Variants in DPH6 observed in about 807,000 individuals in gnomAD.
DPH6 encodes diphthamine biosynthesis 6.
In DPH6, 33 loss-of-function variants were observed where a neutral mutation model predicts 38.2. The observed-to-expected ratio is 0.86, with a 90% CI of 0.65 to 1.15. DPH6 has a LOEUF of 1.15. DPH6 is among the 50% of genes most tolerant of loss of function. The pLI, the probability that DPH6 is intolerant of heterozygous loss-of-function variation, is 0.00. For synonymous variants in DPH6, 108 were observed against 103.0 expected (o/e 1.05, Z -0.30); for missense variants, 325 against 320.0 (o/e 1.02, Z -0.12).
intron 3 of DPH6, among the ~76,000 whole-genome samples, chr15:35,296,466 A>G (rs73393331): frequency 0.03 from 4,513 of 152,184 alleles, 102 homozygotes; most frequent in African/African-American, 0.067. Flanking sequence ...CACTCCCAAT[A>G]TGCTCACGTC....
chr15:35,226,728 T>G (rs548685837), intron 3 of DPH6, among the ~76,000 whole-genome samples: 2 of 152,302 alleles, frequency 1.3e-5, no homozygotes, highest in Admixed American at 6.5e-5. Context: ...ATTGGAAGAA[T>G]GAATACAGTT....
At chr15:35,238,188 A>G in intron 3 of DPH6, 1 of 387,258 alleles carries the variant, frequency 2.6e-6, no homozygotes, top group Non-Finnish European at 4.7e-6. Context: ...TGCTGTGGGA[A>G]CGAGAGGGGA....
intron 3 of DPH6, among the ~76,000 whole-genome samples, chr15:35,347,037 T>C (rs2052467624): frequency 6.6e-6 from 1 of 152,236 alleles, no homozygotes; most frequent in South Asian, 2.1e-4. Context: ...CTTGAGTATT[T>C]TTAAGTGTAC....
intron 3 of DPH6, among the ~76,000 whole-genome samples, chr15:35,295,586 T>C (rs1212851574): frequency 6.6e-6 from 1 of 152,172 alleles, no homozygotes; most frequent in African/African-American, 2.4e-5. Flanking sequence ...CACATCTAGG[T>C]AGATAATCCA....
intron 3 of DPH6, among the ~76,000 whole-genome samples, chr15:35,348,364 T>C (rs2052480165): frequency 6.6e-6 from 1 of 152,214 alleles, no homozygotes; most frequent in South Asian, 2.1e-4. Context: ...TTGTTTTGCA[T>C]GTGGATATCC....
the DPH6 span, among the ~76,000 whole-genome samples, chr15:35,154,346 G>C: frequency 2.0e-5 from 3 of 151,900 alleles, no homozygotes; most frequent in African/African-American, 7.3e-5. Flanking sequence ...ATAAATATTT[G>C]TTGAATGGTG....
intron 3 of DPH6, among the ~76,000 whole-genome samples, chr15:35,234,063 A>G (rs779796462): frequency 1.3e-5 from 2 of 152,194 alleles, no homozygotes; most frequent in African/African-American, 2.4e-5. Context: ...TTAGTTCACC[A>G]TTGTACTTCC....
chr15:35,508,073 C>T (rs1595428730), intron 3 of DPH6, among the ~76,000 whole-genome samples: 1 of 152,024 alleles, frequency 6.6e-6, no homozygotes, highest in Non-Finnish European at 1.5e-5. Flanking sequence ...GTAAGAGGCT[C>T]GGCAGGAGGA....
At chr15:35,471,952 A>ATAG (rs1346698942) in intron 3 of DPH6, among the ~76,000 whole-genome samples, 4 of 152,118 alleles carry the variant, frequency 2.6e-5, no homozygotes, top group African/African-American at 9.7e-5. Flanking sequence ...GGGCCCTACA[A>ATAG]TAAATGTAAA....
At chr15:35,336,838 T>G (rs901689818) in intron 3 of DPH6, among the ~76,000 whole-genome samples, 1 of 152,168 alleles carries the variant, frequency 6.6e-6, no homozygotes, top group Non-Finnish European at 1.5e-5. Context: ...TGCTGCTGGA[T>G]TTGGTTTGCC....
intron 6 of DPH6, among the ~76,000 whole-genome samples, chr15:35,397,452 T>C (rs886345635): frequency 6.6e-6 from 1 of 152,194 alleles, no homozygotes; most frequent in African/African-American, 2.4e-5. Flanking sequence ...CCACTCCCTT[T>C]TAAAATGTTA....
At chr15:35,353,271 C>T (rs1042908945) in intron 3 of DPH6, among the ~76,000 whole-genome samples, 3 of 152,118 alleles carry the variant, frequency 2.0e-5, no homozygotes, top group Admixed American at 2.0e-4. Flanking sequence ...TGTGCAGAAG[C>T]TCTTTAGTTT....
rs572462357 is a variant in DPH6 at position 35,529,475 on chromosome 15, T to C, written c.312+8799A>G. ...ATCACAACTTGACATGAGATATGGGTGGGGACACAGAGCCAAACCCTATCA... is the reference window on the plus strand; with the variant it reads ...ATCACAACTTGACATGAGATATGGGCGGGGACACAGAGCCAAACCCTATCA... On this transcript the variant is annotated intron_variant, in intron 3 of 8. Coordinates refer to ENST00000256538, the MANE Select transcript of DPH6 (RefSeq NM_080650.4). Among the ~76,000 whole-genome samples the C allele has an allele frequency of 5.3e-5, 8 of 152,162 alleles. No homozygotes were observed. The South Asian group carries it at 1.7e-3, about 32-fold the overall frequency.
At chr15:35,255,852 T>C (rs2140413138) in intron 3 of DPH6, among the ~76,000 whole-genome samples, 1 of 152,300 alleles carries the variant, frequency 6.6e-6, no homozygotes, top group African/African-American at 2.4e-5. Context: ...GGATTAGTTT[T>C]ATTTTCATCT....
intron 3 of DPH6, among the ~76,000 whole-genome samples, chr15:35,223,910 G>C (rs1297336102): frequency 2.0e-5 from 3 of 151,808 alleles, no homozygotes; most frequent in Non-Finnish European, 2.9e-5. Context: ...AATCCCCCAC[G>C]CTCCACCTAT....
chr15:35,193,873 T>C, the DPH6 span, among the ~76,000 whole-genome samples: 15 of 152,182 alleles, frequency 9.9e-5, 1 homozygote, highest in Admixed American at 9.8e-4. Flanking sequence ...ATAAAGCATA[T>C]TGTGAAAATG....
intron 3 of DPH6, among the ~76,000 whole-genome samples, chr15:35,256,857 T>A (rs749457647): frequency 6.6e-6 from 1 of 152,196 alleles, no homozygotes; most frequent in Non-Finnish European, 1.5e-5. Flanking sequence ...TGTGTAAGTG[T>A]GTGTGTAGGA....
intron 3 of DPH6, among the ~76,000 whole-genome samples, chr15:35,472,142 C>A (rs1291024906): frequency 6.6e-6 from 1 of 152,080 alleles, no homozygotes; most frequent in Non-Finnish European, 1.5e-5. Flanking sequence ...AAGATTAGGA[C>A]TTCAATGACT....
At chr15:35,315,374 G>A (rs1198766639) in intron 3 of DPH6, among the ~76,000 whole-genome samples, 1 of 152,094 alleles carries the variant, frequency 6.6e-6, no homozygotes, top group African/African-American at 2.4e-5. Context: ...ATTTCTTATT[G>A]GCAAAAATGT....
Sources: allele counts gnomAD v4.1 joint callset (sites outside exome capture counted in the v4.1 genomes callset), GRCh38; gene constraint gnomAD v4.1.1; transcripts MANE v1.5; gene names NCBI Gene and HGNC (gene_info 2026-07-23, HGNC 2026-07-21).